AFG1L: variants seen among roughly 807,000 people sequenced by gnomAD.
AFG1L encodes AFG1 like ATPase.
A neutral mutation model predicts 62.2 loss-of-function variants in AFG1L; 53 were observed. The ratio of observed to expected loss-of-function variants is 0.85; its 90% confidence interval spans 0.68 to 1.07. AFG1L has a LOEUF of 1.07. AFG1L is among the 50% of genes least tolerant of loss of function. AFG1L has a pLI of 0.00. For missense variants in AFG1L, 555 were observed against 590.5 expected, an observed-to-expected ratio of 0.94 and a Z score of 0.62; for synonymous variants, 228 against 210.3, an observed-to-expected ratio of 1.08 and a Z score of -0.73.
chr6:108,377,962 G>T (rs1258429951), intron 6 of AFG1L, among the ~76,000 whole-genome samples: 1 of 150,752 alleles, frequency 6.6e-6, no homozygotes, highest in Non-Finnish European at 1.5e-5. Context: ...ATAATTTGAA[G>T]GTTTGGTTGC....
At chr6:108,395,585 AC>A (rs1781258940) in intron 6 of AFG1L, among the ~76,000 whole-genome samples, 2 of 151,528 alleles carry the variant, frequency 1.3e-5, no homozygotes, top group African/African-American at 4.8e-5. Context: ...TATTTTTTGT[AC>A]AGACAGAGTT....
intron 1 of AFG1L, among the ~76,000 whole-genome samples, chr6:108,305,601 T>A (rs188207656): frequency 1.3e-5 from 2 of 152,198 alleles, no homozygotes; most frequent in Admixed American, 1.3e-4. Flanking sequence ...CTTTATAATT[T>A]TTTTAGTGGG....
intron 12 of AFG1L, 97 bp downstream of exon 12, chr6:108,519,907 A>T: frequency 1.5e-6 from 1 of 660,686 alleles, no homozygotes; most frequent in Non-Finnish European, 2.5e-6. Context: ...TGCAGTGTAT[A>T]GTTAACCATT....
At chr6:108,469,922 T>C (rs917726036) in intron 8 of AFG1L, among the ~76,000 whole-genome samples, 1 of 152,164 alleles carries the variant, frequency 6.6e-6, no homozygotes, top group African/African-American at 2.4e-5. Flanking sequence ...GGCAGGAATC[T>C]GGCTATCCAA....
chr6:108,489,767 A>G (rs1300726449), intron 10 of AFG1L, among the ~76,000 whole-genome samples: 2 of 152,198 alleles, frequency 1.3e-5, no homozygotes, highest in African/African-American at 4.8e-5. Context: ...TTAACAGACA[A>G]ACCAAAATGC....
At chr6:108,516,072 A>G (rs1774874623) in intron 11 of AFG1L, among the ~76,000 whole-genome samples, 1 of 152,012 alleles carries the variant, frequency 6.6e-6, no homozygotes, top group African/African-American at 2.4e-5. Flanking sequence ...TACCAGAGGT[A>G]CAAGGAGGAG....
At chr6:108,437,925 A>C (rs546196385) in intron 7 of AFG1L, among the ~76,000 whole-genome samples, 1 of 152,156 alleles carries the variant, frequency 6.6e-6, no homozygotes, top group African/African-American at 2.4e-5. Flanking sequence ...CAGCTCAGCC[A>C]CCTACAAACT....
At chr6:108,419,572 C>T (rs1026648956) in intron 7 of AFG1L, among the ~76,000 whole-genome samples, 4 of 151,974 alleles carry the variant, frequency 2.6e-5, no homozygotes, top group Non-Finnish European at 5.9e-5. Flanking sequence ...TTTATTTGTT[C>T]GGTTTAAATA....
rs79025670 is a variant in AFG1L, at chr6:108,328,330, A to C, written c.363+4282A>C. Among the ~76,000 whole-genome samples, 1,285 of 152,246 alleles carry C rather than the reference A, an allele frequency of 8.4e-3. 13 individuals carry two copies. Among genetic ancestry groups the C allele is most frequent in the African/African-American group, 0.027 (1,129 of 41,552 alleles). ...GGATATTTTGGTTATCTGAGACTTGAATTGCTTTCCTGAATTTTACATCTT... is the reference window on the plus strand; with the variant it reads ...GGATATTTTGGTTATCTGAGACTTGCATTGCTTTCCTGAATTTTACATCTT... On this transcript the variant is annotated intron_variant, in intron 2 of 12. Transcript: ENST00000368977.
At chr6:108,366,431 C>A in intron 6 of AFG1L, 99 bp downstream of exon 6, 1 of 623,280 alleles carries the variant, frequency 1.6e-6, no homozygotes, top group African/African-American at 1.8e-5. Context: ...GTTAATAAAT[C>A]TGATGACTTT....
chr6:108,433,271 G>GTTATTA (rs55979082), intron 7 of AFG1L, among the ~76,000 whole-genome samples: 59 of 150,934 alleles, frequency 3.9e-4, no homozygotes, highest in South Asian at 2.5e-3. Flanking sequence ...CTTTATTATT[G>GTTATTA]TTATTATTAT....
At chr6:108,363,553 A>C (rs1582441803) in intron 5 of AFG1L, among the ~76,000 whole-genome samples, 1 of 152,128 alleles carries the variant, frequency 6.6e-6, no homozygotes, top group Non-Finnish European at 1.5e-5. Flanking sequence ...TAGGATCTTC[A>C]TTATGTCCTC....
intron 1 of AFG1L, among the ~76,000 whole-genome samples, chr6:108,306,996 A>G (rs1388315427): frequency 6.6e-6 from 1 of 151,908 alleles, no homozygotes; most frequent in Non-Finnish European, 1.5e-5. Context: ...TTAAACATAA[A>G]TTACTTTTTT....
chr6:108,518,505 TGGGGGGA>T (rs1774990863), intron 11 of AFG1L, among the ~76,000 whole-genome samples: 1 of 38,370 alleles, frequency 2.6e-5, no homozygotes, highest in Non-Finnish European at 4.8e-5. Flanking sequence ...TGTTGTGGGG[TGGGGGGA>T]GGGGGGAGGG....
intron 7 of AFG1L, among the ~76,000 whole-genome samples, chr6:108,422,083 A>G (rs1344591095): frequency 6.6e-6 from 1 of 152,134 alleles, no homozygotes; most frequent in Non-Finnish European, 1.5e-5. Flanking sequence ...TTGAAATTAT[A>G]CAAAGTAAAA....
At chr6:108,431,935 A>G (rs955398343) in intron 7 of AFG1L, among the ~76,000 whole-genome samples, 1 of 150,726 alleles carries the variant, frequency 6.6e-6, no homozygotes, top group Non-Finnish European at 1.5e-5. Context: ...TTGAAGCACC[A>G]TGGTCCTCCA....
intron 7 of AFG1L, among the ~76,000 whole-genome samples, chr6:108,413,933 G>A (rs1220222213): frequency 3.9e-5 from 6 of 151,998 alleles, no homozygotes; most frequent in African/African-American, 1.2e-4. Flanking sequence ...CAGAACTGAA[G>A]GAGATAGAGA....
rs538567069 is a variant in AFG1L at position 108,426,167 on chromosome 6, A to G, written c.808-21047A>G. Among the ~76,000 whole-genome samples, 85 of 152,244 alleles carry G rather than the reference A, an allele frequency of 5.6e-4. 1 individual carries two copies. The Middle Eastern group carries it at 0.01, about 18-fold the overall frequency. On this transcript the variant is annotated intron_variant, in intron 7 of 12. Transcript: ENST00000368977. ...TTTTCTTGGTTATTCCAGAGTGGTAATTACAGTGTAAATGAATCATATGCC... is the reference window on the plus strand; with the variant it reads ...TTTTCTTGGTTATTCCAGAGTGGTAGTTACAGTGTAAATGAATCATATGCC...
chr6:108,486,568 T>C (rs902520374), intron 10 of AFG1L, among the ~76,000 whole-genome samples: 1 of 152,216 alleles, frequency 6.6e-6, no homozygotes, highest in Non-Finnish European at 1.5e-5. Context: ...AAAGGAGCCA[T>C]AATATCTTAA....
Sources: allele counts gnomAD v4.1 joint callset (sites outside exome capture counted in the v4.1 genomes callset), GRCh38; gene constraint gnomAD v4.1.1; transcripts MANE v1.5; gene names NCBI Gene and HGNC (gene_info 2026-07-23, HGNC 2026-07-21).